The following ESRRG variants were observed in gnomAD, a reference collection of about 807,000 sequenced individuals.
The protein encoded by ESRRG is estrogen-related receptor gamma.
ESRRG carries 13 observed loss-of-function variants against 44.0 expected under a neutral mutation model. The observed-to-expected ratio is 0.30, with a 90% CI of 0.19 to 0.47. The LOEUF is 0.47. ESRRG is among the 20% of genes least tolerant of loss of function. The pLI is 1.00. For missense variants in ESRRG, 395 were observed against 580.6 expected (o/e 0.68, Z 3.29); for synonymous variants, 215 against 214.6 (o/e 1.00, Z -0.02).
chr1:216,973,356 C>T (rs761799304), intron 1 of ESRRG, among the ~76,000 whole-genome samples: 2 of 152,166 alleles, frequency 1.3e-5, no homozygotes, highest in African/African-American at 2.4e-5. Flanking sequence ...GCTGTCCTCG[C>T]TTTACTTGAA....
At chr1:216,804,534 C>T (rs1288757277) in intron 2 of ESRRG, among the ~76,000 whole-genome samples, 1 of 152,058 alleles carries the variant, frequency 6.6e-6, no homozygotes, top group Non-Finnish European at 1.5e-5. Context: ...GAAAACAGCA[C>T]ATTAGCACTC....
upstream of ESRRG, among the ~76,000 whole-genome samples, chr1:217,090,042 A>C (rs541286776): frequency 4.6e-5 from 7 of 152,312 alleles, no homozygotes; most frequent in African/African-American, 1.7e-4. Flanking sequence ...TTTCTAAAAA[A>C]AATTCCCGGC....
chr1:216,993,922 C>A (rs889457417), intron 1 of ESRRG, among the ~76,000 whole-genome samples: 1 of 152,136 alleles, frequency 6.6e-6, no homozygotes, highest in Non-Finnish European at 1.5e-5. Context: ...AGGTAAATAT[C>A]ACTTTTTCTC....
chr1:216,853,355 C>T (rs952829582), intron 2 of ESRRG, among the ~76,000 whole-genome samples: 2 of 152,162 alleles, frequency 1.3e-5, no homozygotes, highest in Non-Finnish European at 2.9e-5. Context: ...ATGCCACGTC[C>T]AACTTCAAAA....
At chr1:216,593,435 C>G (rs1300130870) in intron 3 of ESRRG, among the ~76,000 whole-genome samples, 2 of 152,196 alleles carry the variant, frequency 1.3e-5, no homozygotes, top group Non-Finnish European at 2.9e-5. Context: ...TGACATTGGG[C>G]CTTCCCCATA....
At chr1:216,716,100 A>G (rs1315214735) in intron 1 of ESRRG, among the ~76,000 whole-genome samples, 2 of 152,074 alleles carry the variant, frequency 1.3e-5, no homozygotes, top group African/African-American at 4.8e-5. Flanking sequence ...GTGTCCCCTG[A>G]TAAAGGTGGA....
At chr1:216,699,318 C>T (rs926454596) in intron 1 of ESRRG, among the ~76,000 whole-genome samples, 4 of 152,156 alleles carry the variant, frequency 2.6e-5, no homozygotes, top group Non-Finnish European at 5.9e-5. Context: ...GTGTGCTGTA[C>T]ATCACCAATG....
chr1:217,025,177 T>C (rs146842945), intron 1 of ESRRG, among the ~76,000 whole-genome samples: 24 of 152,120 alleles, frequency 1.6e-4, no homozygotes, highest in Admixed American at 2.6e-4. Context: ...TATTTAGAAA[T>C]CTAGGGAATC....
At chr1:217,122,216 A>C (rs1288434665) in intron 1 of ESRRG, among the ~76,000 whole-genome samples, 4 of 152,170 alleles carry the variant, frequency 2.6e-5, no homozygotes, top group Non-Finnish European at 5.9e-5. Context: ...TCAAGTAGAG[A>C]TATCCAAGAG....
chr1:216,517,848 G>A (rs571106205), intron 6 of ESRRG, among the ~76,000 whole-genome samples: 1 of 152,230 alleles, frequency 6.6e-6, no homozygotes, highest in East Asian at 1.9e-4. Context: ...GGTGCATGGT[G>A]TGGTGAGGAA....
In ESRRG at chr1:216,653,228, G is replaced by C. The variant is rs577637568; in HGVS notation, c.473-2139C>G. Reference sequence around the variant, plus strand: ...ACATCAACAAACTTCTGACAAGAATGCACATCAGGCATGTGTGAGCTCACA... The same window carrying C: ...ACATCAACAAACTTCTGACAAGAATCCACATCAGGCATGTGTGAGCTCACA... On this transcript the variant is annotated intron_variant, in intron 2 of 6. Coordinates refer to ENST00000408911, the MANE Select transcript of ESRRG (RefSeq NM_001438.4). Among the ~76,000 whole-genome samples the C allele has an allele frequency of 2.0e-5, 3 of 152,244 alleles. No homozygotes were observed. The South Asian group carries it at 6.2e-4, about 32-fold the overall frequency.
intron 3 of ESRRG, among the ~76,000 whole-genome samples, chr1:216,650,482 C>T (rs1201101493): frequency 1.3e-5 from 2 of 151,986 alleles, no homozygotes; most frequent in Admixed American, 1.3e-4. Context: ...TTGTTGTTAT[C>T]CCCAACTGAA....
chr1:216,904,082 C>T (rs532314904), intron 2 of ESRRG, among the ~76,000 whole-genome samples: 5 of 152,064 alleles, frequency 3.3e-5, no homozygotes, highest in African/African-American at 1.2e-4. Flanking sequence ...GGTTGCTGTA[C>T]GTATTAAAGA....
intron 1 of ESRRG, among the ~76,000 whole-genome samples, chr1:216,688,842 T>C (rs2078519472): frequency 6.6e-6 from 1 of 152,132 alleles, no homozygotes; most frequent in South Asian, 2.1e-4. Flanking sequence ...AAAGCTGAAA[T>C]TGTATTTTTG....
At chr1:217,006,623 G>A (rs138903518) in intron 1 of ESRRG, among the ~76,000 whole-genome samples, 3 of 152,066 alleles carry the variant, frequency 2.0e-5, no homozygotes, top group East Asian at 1.9e-4. Flanking sequence ...GTGAGATATC[G>A]TGAGAATGGG....
At chr1:216,818,460 C>G (rs936901826) in intron 2 of ESRRG, among the ~76,000 whole-genome samples, 4 of 152,156 alleles carry the variant, frequency 2.6e-5, no homozygotes, top group African/African-American at 9.7e-5. Flanking sequence ...GCACTTGACA[C>G]TCTAGGAAAA....
At chr1:216,982,921 T>C (rs1001906848) in intron 1 of ESRRG, among the ~76,000 whole-genome samples, 3 of 152,150 alleles carry the variant, frequency 2.0e-5, no homozygotes, top group African/African-American at 7.2e-5. Context: ...CAAGATAACA[T>C]GAGTCATCAG....
chr1:216,634,513 G>A (rs1358888360), intron 3 of ESRRG, among the ~76,000 whole-genome samples: 1 of 151,990 alleles, frequency 6.6e-6, no homozygotes, highest in Non-Finnish European at 1.5e-5. Context: ...TCTCCCTAGA[G>A]AAAAAACTCA....
chr1:216,535,746 T>A (rs570881060), intron 5 of ESRRG, among the ~76,000 whole-genome samples: 1 of 152,126 alleles, frequency 6.6e-6, no homozygotes, highest in Non-Finnish European at 1.5e-5. Flanking sequence ...CCCTCTATTC[T>A]GATAAAATCT....
Sources: gnomAD v4.1 joint callset for allele counts (sites outside exome capture counted in the v4.1 genomes callset) on GRCh38, gnomAD v4.1.1 for gene constraint, MANE v1.5 for transcripts, NCBI Gene and HGNC (gene_info 2026-07-23, HGNC 2026-07-21) for gene names.